Variants in RCOR1 observed in about 807,000 individuals in gnomAD.
RCOR1 encodes the protein REST corepressor 1.
In RCOR1, 12 loss-of-function variants were observed where a neutral mutation model predicts 64.0. The ratio of observed to expected loss-of-function variants is 0.19; its 90% CI spans 0.12 to 0.30. The LOEUF is 0.30. RCOR1 is among the 10% of genes least tolerant of loss of function. The pLI is 1.00. For synonymous variants in RCOR1, 279 were observed against 227.2 expected, an observed-to-expected ratio of 1.23 and a Z score of -2.05; for missense variants, 502 against 621.2, an observed-to-expected ratio of 0.81 and a Z score of 2.04.
At chr14:102,716,625 A>G (rs1896075197) in intron 8 of RCOR1, among the ~76,000 whole-genome samples, 1 of 152,180 alleles carries the variant, frequency 6.6e-6, no homozygotes, top group Admixed American at 6.5e-5. Flanking sequence ...ATCCTTTGCA[A>G]CGCAGCAGGA....
chr14:102,636,140 G>T lies in RCOR1; in HGVS notation c.361+42815G>T, dbSNP rs927083732. ...TTTTTAGTAGAGATGGGGTTTCACC[G>T]TGTTAGCCAGGATGGTCTTGATCTC... is the stretch of plus-strand genomic sequence containing the variant. On this transcript the variant is annotated intron_variant, in intron 2 of 11. Coordinates refer to ENST00000262241, the MANE Select transcript of RCOR1 (RefSeq NM_015156.4). Among the ~76,000 whole-genome samples, 3 of 151,356 alleles carry T rather than the reference G, an allele frequency of 2.0e-5. No homozygotes were observed. In the East Asian group the frequency reaches 5.9e-4, roughly 30 times the overall value.
intron 7 of RCOR1, 120 bp from the exon 8 acceptor site, chr14:102,714,303 C>A: frequency 1.7e-6 from 1 of 600,916 alleles, no homozygotes; most frequent in Non-Finnish European, 2.8e-6. Flanking sequence ...TCATTTGGTT[C>A]TGATAGGGCA....
chr14:102,598,382 G>C (rs1412269071), intron 2 of RCOR1, among the ~76,000 whole-genome samples: 2 of 151,682 alleles, frequency 1.3e-5, no homozygotes, highest in South Asian at 2.1e-4. Flanking sequence ...ATTTAATTCT[G>C]TCATGCCTTA....
chr14:102,615,316 T>G (rs1165761664), intron 2 of RCOR1, among the ~76,000 whole-genome samples: 1 of 145,496 alleles, frequency 6.9e-6, no homozygotes, highest in Non-Finnish European at 1.5e-5. Context: ...TTTTTTAATA[T>G]TTTTTAGTAG....
At chr14:102,703,493 A>G (rs1030458131) in intron 4 of RCOR1, among the ~76,000 whole-genome samples, 6 of 152,220 alleles carry the variant, frequency 3.9e-5, no homozygotes, top group African/African-American at 1.2e-4. Context: ...GATCCTGAAT[A>G]AGCTTATTAG....
At chr14:102,655,161 A>G in intron 2 of RCOR1, 1 of 297,190 alleles carries the variant, frequency 3.4e-6, no homozygotes, top group East Asian at 2.0e-4. Flanking sequence ...GAATATTTGG[A>G]TAGGCAATAC....
At chr14:102,606,166 T>A (rs1893502973) in intron 2 of RCOR1, among the ~76,000 whole-genome samples, 1 of 152,230 alleles carries the variant, frequency 6.6e-6, no homozygotes, top group African/African-American at 2.4e-5. Context: ...CCTCAAGTGA[T>A]CTGCCTGCTT....
At chr14:102,658,282 T>TA (rs1174406989) in intron 2 of RCOR1, among the ~76,000 whole-genome samples, 2 of 152,020 alleles carry the variant, frequency 1.3e-5, no homozygotes, top group African/African-American at 4.8e-5. Flanking sequence ...GCCTTCTTTT[T>TA]AAAAAAGGTT....
intron 2 of RCOR1, among the ~76,000 whole-genome samples, chr14:102,611,458 T>C (rs993965700): frequency 6.6e-6 from 1 of 152,190 alleles, no homozygotes; most frequent in Non-Finnish European, 1.5e-5. Flanking sequence ...TTCTTTTTTT[T>C]CTTCCTCTTT....
chr14:102,702,069 T>C (rs573263885), intron 4 of RCOR1, among the ~76,000 whole-genome samples: 17 of 152,354 alleles, frequency 1.1e-4, no homozygotes, highest in South Asian at 4.1e-4. Context: ...TTTAATGATT[T>C]ATTTTAAACA....
intron 2 of RCOR1, among the ~76,000 whole-genome samples, chr14:102,607,362 T>C (rs1348784908): frequency 1.3e-5 from 2 of 152,198 alleles, no homozygotes; most frequent in African/African-American, 4.8e-5. Flanking sequence ...TTGCTTTCCT[T>C]ATAATGAATT....
intron 2 of RCOR1, among the ~76,000 whole-genome samples, chr14:102,609,015 C>T (rs766159488): frequency 1.7e-4 from 22 of 133,098 alleles, no homozygotes; most frequent in Non-Finnish European, 3.4e-4. Flanking sequence ...TGGAGTAATT[C>T]TGTGCTTCAC....
At chr14:102,602,257 C>T (rs1893416671) in intron 2 of RCOR1, among the ~76,000 whole-genome samples, 1 of 152,060 alleles carries the variant, frequency 6.6e-6, no homozygotes, top group African/African-American at 2.4e-5. Context: ...GCTTTCCAAA[C>T]AAGTACATTT....
At chr14:102,676,119 C>G (rs1895143821) in intron 2 of RCOR1, among the ~76,000 whole-genome samples, 1 of 150,338 alleles carries the variant, frequency 6.7e-6, no homozygotes, top group Non-Finnish European at 1.5e-5. Context: ...TCTATCCACA[C>G]AGACCCGGCA....
intron 3 of RCOR1, among the ~76,000 whole-genome samples, chr14:102,691,461 GA>G (rs967684391): frequency 8.6e-5 from 13 of 151,978 alleles, no homozygotes; most frequent in Non-Finnish European, 1.0e-4. Flanking sequence ...AAAGTTGAGG[GA>G]AAAAAACAAA....
intron 3 of RCOR1, among the ~76,000 whole-genome samples, chr14:102,694,536 A>G (rs375113743): frequency 6.6e-6 from 1 of 152,290 alleles, no homozygotes; most frequent in East Asian, 1.9e-4. Flanking sequence ...CGTCCTCCCA[A>G]AGTGCTAGGA....
chr14:102,597,389 C>T (rs1188854960), intron 2 of RCOR1, among the ~76,000 whole-genome samples: 2 of 151,696 alleles, frequency 1.3e-5, no homozygotes, highest in East Asian at 3.9e-4. Flanking sequence ...AGTGCAGTGG[C>T]ATGATCTCAG....
In RCOR1 at chr14:102,710,424, A is replaced by G. The variant is rs545099339; in HGVS notation, c.780-511A>G. Among the ~76,000 whole-genome samples, 4 of 152,360 alleles carry G rather than the reference A, an allele frequency of 2.6e-5. No individual in the cohort carries two copies. The East Asian group carries it at 5.8e-4, about 22-fold the overall frequency. On this transcript the variant is annotated intron_variant, in intron 6 of 11. Coordinates refer to ENST00000262241, the MANE Select transcript of RCOR1 (RefSeq NM_015156.4). ...TTAAAATTAAACATAATTTTAAAAC[A>G]TCAGTTGTCCAGGACACCAGAAAAG...
At chr14:102,687,926 C>G (rs1033885562) in intron 3 of RCOR1, among the ~76,000 whole-genome samples, 2 of 150,070 alleles carry the variant, frequency 1.3e-5, no homozygotes, top group Non-Finnish European at 2.9e-5. Context: ...GGACCAGGGG[C>G]ATAAGTGCAC....
Sources: gnomAD v4.1 joint callset for allele counts (sites outside exome capture counted in the v4.1 genomes callset) on GRCh38, gnomAD v4.1.1 for gene constraint, MANE v1.5 for transcripts, NCBI Gene and HGNC (gene_info 2026-07-23, HGNC 2026-07-21) for gene names.